Variants in KANK1 observed in about 807,000 individuals in gnomAD.
KANK1 encodes the protein KN motif and ankyrin repeat domains 1, also known as KN motif and ankyrin repeat domain-containing protein 1.
A neutral mutation model predicts 106.2 loss-of-function variants in KANK1; 109 were observed. The observed-to-expected ratio is 1.03, with a 90% CI of 0.88 to 1.20. The LOEUF (loss-of-function observed/expected upper bound fraction) is 1.20. KANK1 is among the 50% of genes most tolerant of loss of function. KANK1 has a pLI of 0.00. For missense variants in KANK1, 2,399 were observed against 1,710.7 expected, an observed-to-expected ratio of 1.40 and a Z score of -7.10; for synonymous variants, 873 against 652.2, an observed-to-expected ratio of 1.34 and a Z score of -5.16.
In KANK1 at chr9:555,867, C is replaced by T. The variant is rs77467269; in HGVS notation, c.-84+51113C>T. On this transcript the variant is annotated intron_variant, in intron 1 of 11. Coordinates refer to ENST00000382297, the MANE Select transcript of KANK1 (RefSeq NM_015158.5). ...TAGTGGTGATAAAGATGCCGACAAC[C>T]CCTTCTGTTTAAATAAAAACAAACA... is the stretch of plus-strand genomic sequence containing the variant. Among the ~76,000 whole-genome samples, 854 of 152,188 alleles carry T rather than the reference C, an allele frequency of 5.6e-3. 11 individuals are homozygous for T. Among genetic ancestry groups the T allele is most frequent in the African/African-American group, 0.02 (817 of 41,516 alleles).
At chr9:635,774 C>G (rs1836986146) in intron 1 of KANK1, among the ~76,000 whole-genome samples, 1 of 139,620 alleles carries the variant, frequency 7.2e-6, no homozygotes, top group Non-Finnish European at 1.5e-5. Flanking sequence ...TCTCAGCTCA[C>G]TGCAACCTCT....
chr9:503,884 G>A (rs2058616031), upstream of KANK1, among the ~76,000 whole-genome samples: 1 of 152,136 alleles, frequency 6.6e-6, no homozygotes, highest in Non-Finnish European at 1.5e-5. Context: ...GAGCCCCCGA[G>A]GCAGGCGTTG....
chr9:576,297 T>C (rs1820541847), intron 1 of KANK1, among the ~76,000 whole-genome samples: 1 of 152,202 alleles, frequency 6.6e-6, no homozygotes, highest in Non-Finnish European at 1.5e-5. Context: ...TAACATACCC[T>C]TGGGTCCTGA....
At chr9:684,481 A>G (rs1026279908) in intron 2 of KANK1, 19 of 985,298 alleles carry the variant, frequency 1.9e-5, no homozygotes, top group African/African-American at 3.5e-5. Flanking sequence ...CTATTATTCT[A>G]AGAGACTGGG....
At chr9:549,275 G>A (rs1309591008) in intron 1 of KANK1, 1 of 152,510 alleles carries the variant, frequency 6.6e-6, no homozygotes, top group Admixed American at 6.5e-5. Flanking sequence ...TGTAGTGGAT[G>A]TGACTGTGTG....
intron 1 of KANK1, among the ~76,000 whole-genome samples, chr9:534,157 TAATA>T (rs1407859431): frequency 1.3e-5 from 2 of 152,098 alleles, no homozygotes; most frequent in African/African-American, 2.4e-5. Context: ...GGGCATAGAG[TAATA>T]AATAGTTTGT....
chr9:556,910 C>T (rs776684723), intron 1 of KANK1, among the ~76,000 whole-genome samples: 2 of 152,024 alleles, frequency 1.3e-5, no homozygotes, highest in Non-Finnish European at 2.9e-5. Flanking sequence ...ACTTTGGACT[C>T]CTGTTTGAAC....
chr9:507,603 C>G (rs2058822959), intron 1 of KANK1, among the ~76,000 whole-genome samples: 1 of 145,850 alleles, frequency 6.9e-6, no homozygotes, highest in Non-Finnish European at 1.5e-5. Flanking sequence ...TGTTGCCAGG[C>G]TGGAGTGCAG....
At chr9:662,671 T>TTTC (rs1843608124) in intron 1 of KANK1, among the ~76,000 whole-genome samples, 1 of 151,210 alleles carries the variant, frequency 6.6e-6, no homozygotes, top group African/African-American at 2.4e-5. Context: ...GTTAATTTTT[T>TTTC]TTTTTTTTGA....
At chr9:550,987 G>C (rs1243294390) in intron 1 of KANK1, among the ~76,000 whole-genome samples, 1 of 152,034 alleles carries the variant, frequency 6.6e-6, no homozygotes, top group Non-Finnish European at 1.5e-5. Flanking sequence ...CATCTTGAGA[G>C]AAGTTGAGTG....
rs767616689 is a variant in KANK1, at chr9:711,885, C to T, written c.1119C>T (p.Asp373=). Residue 373 remains aspartate, a synonymous_variant, in exon 3 of 12, where the codon GAC becomes GAT. Transcript: ENST00000382297. ...AGGAGTTCCGGCAACTTACAGCAGA[C>T]ATGCAAGCCCTGGAGCAGAAGATCC... is the stretch of plus-strand genomic sequence containing the variant. ...RIKEFRQLTA[D]MQALEQKIQD... 5.6e-6 allele frequency: 9 copies of T among 1,614,076 alleles called. No individual in the cohort carries two copies. The highest frequency in any genetic ancestry group is 1.1e-5 in the South Asian group (1 of 91,090).
intron 1 of KANK1, among the ~76,000 whole-genome samples, chr9:631,611 G>T (rs796083683): frequency 6.6e-6 from 1 of 152,134 alleles, no homozygotes; most frequent in African/African-American, 2.4e-5. Flanking sequence ...AGTAGTTACT[G>T]AAAACTAACC....
chr9:569,929 T>TA (rs1241712385), intron 1 of KANK1, among the ~76,000 whole-genome samples: 2 of 152,198 alleles, frequency 1.3e-5, no homozygotes, highest in African/African-American at 4.8e-5. Flanking sequence ...TAACACTTGA[T>TA]ACGTTGTAAG....
intron 1 of KANK1, among the ~76,000 whole-genome samples, chr9:664,157 C>A (rs1316939216): frequency 1.3e-5 from 2 of 152,088 alleles, no homozygotes; most frequent in African/African-American, 4.8e-5. Context: ...ACTGATCTAT[C>A]GAACACCAAG....
intron 3 of KANK1, among the ~76,000 whole-genome samples, chr9:714,927 CT>C (rs1827280204): frequency 6.6e-6 from 1 of 152,136 alleles, no homozygotes; most frequent in African/African-American, 2.4e-5. Flanking sequence ...TCAGTGTGAC[CT>C]GGGAAAGAGT....
chr9:634,622 C>G (rs1836631146), intron 1 of KANK1, among the ~76,000 whole-genome samples: 1 of 152,092 alleles, frequency 6.6e-6, no homozygotes, highest in South Asian at 2.1e-4. Flanking sequence ...AGTTTCAGCA[C>G]CTGAACAAGG....
chr9:742,014 C>T (rs1394884760), intron 9 of KANK1, among the ~76,000 whole-genome samples, 191 bp from the exon 10 acceptor site: 1 of 152,140 alleles, frequency 6.6e-6, no homozygotes, highest in African/African-American at 2.4e-5. Flanking sequence ...TACTTTATGC[C>T]CTTCCTTTGC....
intron 1 of KANK1, among the ~76,000 whole-genome samples, chr9:579,410 A>G (rs955002473): frequency 6.6e-6 from 1 of 152,172 alleles, no homozygotes; most frequent in African/African-American, 2.4e-5. Context: ...CAAAAATAGA[A>G]AAGCACAGGA....
intron 1 of KANK1, among the ~76,000 whole-genome samples, chr9:520,095 T>C (rs1455249023): frequency 6.6e-6 from 1 of 151,690 alleles, no homozygotes; most frequent in Non-Finnish European, 1.5e-5. Context: ...CCCAGCACTT[T>C]GGGAGGCTGA....
Sources: allele counts gnomAD v4.1 joint callset (sites outside exome capture counted in the v4.1 genomes callset), GRCh38; gene constraint gnomAD v4.1.1; transcripts MANE v1.5; gene names NCBI Gene and HGNC (gene_info 2026-07-23, HGNC 2026-07-21).